The following AKR1C8 variants were observed in gnomAD, a reference collection of about 807,000 sequenced individuals.
AKR1C8 encodes aldo-keto reductase family 1 member C-like protein 1.
the AKR1C8 span, among the ~76,000 whole-genome samples, chr10:5,142,497 T>C: frequency 1.3e-5 from 2 of 152,124 alleles, no homozygotes; most frequent in Non-Finnish European, 2.9e-5. Flanking sequence ...TGTGTAGCTT[T>C]TGTGCTTAAA....
At chr10:5,119,898 C>A in the AKR1C8 span, among the ~76,000 whole-genome samples, 13 of 152,128 alleles carry the variant, frequency 8.5e-5, no homozygotes, top group African/African-American at 2.7e-4. Flanking sequence ...TGCTAGCATC[C>A]CATAACATGT....
chr10:5,183,135 A>T, the AKR1C8 span, among the ~76,000 whole-genome samples: 1 of 152,132 alleles, frequency 6.6e-6, no homozygotes, highest in Non-Finnish European at 1.5e-5. Context: ...GACTAACCCT[A>T]CTTATTCTTA....
chr10:5,180,017 G>A, the AKR1C8 span, among the ~76,000 whole-genome samples: 1 of 152,178 alleles, frequency 6.6e-6, no homozygotes, highest in Non-Finnish European at 1.5e-5. Context: ...TTGCTGGTGA[G>A]GAACTGCGTT....
chr10:5,159,050 C>G, the AKR1C8 span, among the ~76,000 whole-genome samples: 1 of 152,090 alleles, frequency 6.6e-6, no homozygotes, highest in Non-Finnish European at 1.5e-5. Context: ...CCATTTGAGC[C>G]TAGAAGAGCT....
At chr10:5,154,333 T>A in the AKR1C8 span, 2 of 281,586 alleles carry the variant, frequency 7.1e-6, no homozygotes, top group East Asian at 1.7e-4. Flanking sequence ...ATGGAGGGGA[T>A]GAGATGCATT....
the AKR1C8 span, among the ~76,000 whole-genome samples, chr10:5,176,452 T>G: frequency 0.53 from 76,716 of 143,730 alleles, 21,537 homozygotes; most frequent in Non-Finnish European, 0.59. Flanking sequence ...GATTGACTTG[T>G]TGATGCAGGC....
the AKR1C8 span, chr10:5,155,552 C>A: frequency 7.9e-5 from 27 of 340,094 alleles, no homozygotes; most frequent in Non-Finnish European, 1.4e-4. Context: ...GGCTACAGGG[C>A]ATCTCCTATT....
At chr10:5,179,744 C>T in the AKR1C8 span, among the ~76,000 whole-genome samples, 1 of 152,132 alleles carries the variant, frequency 6.6e-6, no homozygotes, top group African/African-American at 2.4e-5. Context: ...TCACTGATAT[C>T]CTTTCTTCCA....
the AKR1C8 span, chr10:5,132,711 T>C: frequency 6.3e-7 from 1 of 1,577,770 alleles, no homozygotes; most frequent in Non-Finnish European, 8.7e-7. Context: ...AGAATCAATA[T>C]GGAAGAAACC....
the AKR1C8 span, among the ~76,000 whole-genome samples, chr10:5,117,697 G>A: frequency 6.6e-6 from 1 of 152,144 alleles, no homozygotes; most frequent in African/African-American, 2.4e-5. Context: ...AGGTCTTCAG[G>A]CTGCTTCCAC....
At chr10:5,185,007 C>T in the AKR1C8 span, 1 of 534,646 alleles carries the variant, frequency 1.9e-6, no homozygotes, top group African/African-American at 1.9e-5. Context: ...CTGGGGTCCA[C>T]TTACATGATC....
the AKR1C8 span, among the ~76,000 whole-genome samples, chr10:5,118,129 T>TATGAGCC: frequency 6.6e-6 from 1 of 152,206 alleles, no homozygotes; most frequent in African/African-American, 2.4e-5. Context: ...TCCTGCCAGT[T>TATGAGCC]ATGAGCCTAT....
At chr10:5,161,943 C>A in the AKR1C8 span, 10 of 534,230 alleles carry the variant, frequency 1.9e-5, no homozygotes, top group Non-Finnish European at 3.5e-5. Flanking sequence ...CCGGGTGAAC[C>A]AATTCTGCCC....
the AKR1C8 span, among the ~76,000 whole-genome samples, chr10:5,166,343 C>CA: frequency 3.3e-5 from 5 of 151,918 alleles, no homozygotes; most frequent in East Asian, 1.9e-4. Flanking sequence ...AATCCTAAGC[C>CA]AAAAAAACAA....
At chr10:5,180,832 C>T in the AKR1C8 span, among the ~76,000 whole-genome samples, 4 of 152,308 alleles carry the variant, frequency 2.6e-5, no homozygotes, top group African/African-American at 4.8e-5. Context: ...TTTTTAAGCC[C>T]GTCGGAAAAG....
chr10:5,132,553 A>T, the AKR1C8 span: 1 of 1,400,068 alleles, frequency 7.1e-7, no homozygotes, highest in Non-Finnish European at 9.5e-7. Context: ...TCATCTCCAC[A>T]CTATCACATT....
At chr10:5,119,857 C>T in the AKR1C8 span, among the ~76,000 whole-genome samples, 2 of 152,248 alleles carry the variant, frequency 1.3e-5, 1 homozygote. Context: ...TCTGCGAATG[C>T]AAGTGTTTTT....
chr10:5,176,823 G>T, the AKR1C8 span, among the ~76,000 whole-genome samples: 3 of 152,144 alleles, frequency 2.0e-5, no homozygotes, highest in African/African-American at 7.2e-5. Context: ...TTTGTACATT[G>T]AGTTTGTATC....
At chr10:5,184,841 G>C in the AKR1C8 span, among the ~76,000 whole-genome samples, 2 of 152,066 alleles carry the variant, frequency 1.3e-5, no homozygotes, top group Admixed American at 1.3e-4. Context: ...GCCACTTAAA[G>C]CAAAAAAGAT....
Sources: gnomAD v4.1 joint callset for allele counts (sites outside exome capture counted in the v4.1 genomes callset) on GRCh38, gnomAD v4.1.1 for gene constraint, MANE v1.5 for transcripts, NCBI Gene and HGNC (gene_info 2026-07-23, HGNC 2026-07-21) for gene names.